The following CACHD1 variants were observed in gnomAD, a reference collection of about 807,000 sequenced individuals.
CACHD1 encodes the protein VWFA and cache domain-containing protein 1.
Under a neutral mutation model 138.7 loss-of-function variants are expected in CACHD1, and 71 were observed. That is an observed-to-expected ratio of 0.51 (90% CI 0.42 to 0.62). The LOEUF (loss-of-function observed/expected upper bound fraction) is 0.62. CACHD1 is among the 20% of genes least tolerant of loss of function. CACHD1 has a pLI of 0.00. For missense variants in CACHD1, 1,389 were observed against 1,625.3 expected (o/e 0.85, Z 2.50); for synonymous variants, 578 against 591.5 (o/e 0.98, Z 0.33).
rs1392493493 is a variant in CACHD1 at position 64,662,905 on chromosome 1, C to T, written c.1952-790C>T. 2.0e-5 allele frequency among the ~76,000 whole-genome samples: 3 copies of T among 152,294 alleles called. No homozygotes were observed. The East Asian group carries it at 5.8e-4, about 29-fold the overall frequency. On this transcript the variant is annotated intron_variant, in intron 13 of 26. Coordinates refer to ENST00000651257, the MANE Select transcript of CACHD1 (RefSeq NM_020925.4). ...TTTTGCATTGATTTCACTGTTCCATCTTTCTTTCTTAAATAGTACTACTAA... is the reference window on the plus strand; with the variant it reads ...TTTTGCATTGATTTCACTGTTCCATTTTTCTTTCTTAAATAGTACTACTAA...
intron 2 of CACHD1, among the ~76,000 whole-genome samples, chr1:64,551,428 C>T (rs893276804): frequency 3.3e-5 from 5 of 151,996 alleles, no homozygotes; most frequent in Admixed American, 1.3e-4. Flanking sequence ...TTAATTTCAG[C>T]GAATCCACCA....
chr1:64,537,709 A>G (rs902470145), intron 1 of CACHD1, among the ~76,000 whole-genome samples: 2 of 152,180 alleles, frequency 1.3e-5, no homozygotes, highest in Non-Finnish European at 2.9e-5. Context: ...CTATGAATAC[A>G]TGTTCTTTTT....
At chr1:64,533,750 T>TCTCTCTC (rs35235530) in intron 1 of CACHD1, among the ~76,000 whole-genome samples, 1 of 28,646 alleles carries the variant, frequency 3.5e-5, no homozygotes, top group African/African-American at 5.5e-5. Context: ...TTCTCTCTCT[T>TCTCTCTC]TTTTTTTTTT....
intron 1 of CACHD1, among the ~76,000 whole-genome samples, chr1:64,475,420 C>T (rs1646169371): frequency 6.6e-6 from 1 of 152,162 alleles, no homozygotes; most frequent in Non-Finnish European, 1.5e-5. Flanking sequence ...CCCACCTTGG[C>T]TTCCCAAAGT....
At chr1:64,637,055 A>G (rs555770486) in intron 7 of CACHD1, among the ~76,000 whole-genome samples, 1 of 152,168 alleles carries the variant, frequency 6.6e-6, no homozygotes, top group Middle Eastern at 3.2e-3. Flanking sequence ...GTCAGTTAAC[A>G]AGGCTGAATT....
In CACHD1 at chr1:64,623,401, C is replaced by CAAA. The variant is rs10645036; in HGVS notation, c.518-5944_518-5942dup. On this transcript the variant is annotated intron_variant, in intron 4 of 26. Coordinates refer to ENST00000651257, the MANE Select transcript of CACHD1 (RefSeq NM_020925.4). Reference sequence around the variant, plus strand: ...TGAGCAACAGAGTGAGATTCTGCCTCAAAAAAAAAAAATGGCATTAGAAGA... The same window carrying CAAA: ...TGAGCAACAGAGTGAGATTCTGCCTCAAAAAAAAAAAAAAATGGCATTAGAAGA... Among the ~76,000 whole-genome samples the CAAA allele has an allele frequency of 1.2e-3, 165 of 140,402 alleles. 1 individual carries two copies. Among genetic ancestry groups the CAAA allele is most frequent in the African/African-American group, 4.0e-3 (157 of 39,374 alleles). 92.1% of individuals were successfully genotyped at this position (140,402 alleles called of 152,430 possible).
chr1:64,600,204 G>A (rs1041831193), intron 3 of CACHD1, among the ~76,000 whole-genome samples: 3 of 152,098 alleles, frequency 2.0e-5, no homozygotes, highest in African/African-American at 7.2e-5. Context: ...CAGAAGATCC[G>A]GTGTCTTCGG....
At chr1:64,632,465 T>C (rs893080) in intron 5 of CACHD1, 134 bp from the exon 6 acceptor site, 733,308 of 805,552 alleles carry the variant, frequency 0.91, 335,471 homozygotes, top group East Asian at 1. Context: ...CCATGTGGAT[T>C]TCTCCATCCT....
At chr1:64,493,242 C>T (rs767132325) in intron 1 of CACHD1, among the ~76,000 whole-genome samples, 47 of 152,164 alleles carry the variant, frequency 3.1e-4, no homozygotes, top group Middle Eastern at 3.4e-3. Context: ...AAGGACATTC[C>T]ACTTATTACT....
chr1:64,617,161 C>CAAAA (rs5774713), intron 4 of CACHD1, among the ~76,000 whole-genome samples: 3 of 148,522 alleles, frequency 2.0e-5, no homozygotes, highest in Admixed American at 1.3e-4. Context: ...CAAAACAAAA[C>CAAAA]AAAAAAAAAA....
chr1:64,471,214 T>TACCA (rs1419906004), intron 1 of CACHD1, among the ~76,000 whole-genome samples: 1 of 152,146 alleles, frequency 6.6e-6, no homozygotes, highest in Non-Finnish European at 1.5e-5. Flanking sequence ...CTCTTCTGAG[T>TACCA]ACCAGCGCCT....
At position 64,634,073 on chromosome 1, in the gene CACHD1, C is replaced by A; in HGVS notation, c.819C>A (p.Val273=). ...CTGTGTTAACTGTGGCAGATACCGT[C>A]CGGACTTGCTCACTAGACCAGTGCT... ...KISVLTVADT[V]RTCSLDQCYK... The change falls in exon 7 of 27, where the codon GTC becomes GTA. Residue 273 remains valine (V), a synonymous_variant. Transcript: ENST00000651257. 1 of 1,611,502 alleles carries A rather than the reference C, an allele frequency of 6.2e-7. No individual in the cohort carries two copies. Among genetic ancestry groups the A allele is most frequent in the Non-Finnish European group, 8.5e-7 (1 of 1,179,352 alleles).
intron 8 of CACHD1, 26 bp from the exon 9 acceptor site, chr1:64,647,775 G>C (rs767221291): frequency 1.9e-6 from 3 of 1,602,624 alleles, no homozygotes; most frequent in South Asian, 2.2e-5. Flanking sequence ...TGCTTTCCGT[G>C]GTCTTCTCTC....
chr1:64,488,024 CTGTT>C (rs1194460460), intron 1 of CACHD1, among the ~76,000 whole-genome samples: 5 of 152,262 alleles, frequency 3.3e-5, no homozygotes, highest in African/African-American at 7.2e-5. Context: ...TGACCAATCT[CTGTT>C]TGTCCATCTC....
chr1:64,665,674 T>C (rs1022955045), intron 15 of CACHD1, among the ~76,000 whole-genome samples: 1 of 152,198 alleles, frequency 6.6e-6, no homozygotes, highest in African/African-American at 2.4e-5. Context: ...TTTAGACTTA[T>C]AAGCTCACTT....
chr1:64,602,893 A>G lies in CACHD1; in HGVS notation c.498A>G (p.Pro166=), dbSNP rs369437288. ...STTVNSRAFN[P]GRDLNSVLAD... ...CTGTTAATAGCCGGGCCTTCAATCC[A>G]GGACGAGACTTAAATTCAGGTCAGT... Residue 166 remains proline (P), a synonymous_variant, in exon 4 of 27, where the codon CCA becomes CCG. Transcript: ENST00000651257. The G allele has an allele frequency of 9.3e-6, 15 of 1,611,954 alleles. No homozygotes were observed. In the East Asian group the frequency reaches 1.1e-4, roughly 12 times the overall value.
chr1:64,504,150 T>C (rs76968213), intron 1 of CACHD1, among the ~76,000 whole-genome samples: 3 of 152,174 alleles, frequency 2.0e-5, no homozygotes, highest in African/African-American at 7.2e-5. Flanking sequence ...CACCTCAGGC[T>C]CCCAAGTAGC....
rs1570443735 is a variant in CACHD1, at chr1:64,641,853, G to A, written c.1040G>A (p.Gly347Asp). 6 of 1,551,552 alleles carry A rather than the reference G, an allele frequency of 3.9e-6. No individual in the cohort carries two copies. The highest frequency in any genetic ancestry group is 5.2e-6 in the Non-Finnish European group (6 of 1,150,304). Reference protein sequence around the residue: ...TDMVIIYLSAGITSKDSSEED... With the variant: ...TDMVIIYLSADITSKDSSEED... ...ATGGTCATCATTTACCTGTCAGCTGGCATTACATCAAAGGACTCTTCGGAA... is the reference window on the plus strand; with the variant it reads ...ATGGTCATCATTTACCTGTCAGCTGACATTACATCAAAGGACTCTTCGGAA... The change falls in exon 8 of 27, where the codon GGC (glycine) becomes GAC (aspartate). Residue 347 changes from glycine (G) to aspartate (D), a missense_variant. By Grantham distance (94) the Gly-to-Asp change is moderately conservative (BLOSUM62 -1). Around this residue, in one of 5 missense-constraint regions of CACHD1, gnomAD observed 1,000 missense variants for 1,114.7 expected, o/e 0.90. Coordinates refer to ENST00000651257, the MANE Select transcript of CACHD1 (RefSeq NM_020925.4).
intron 7 of CACHD1, among the ~76,000 whole-genome samples, chr1:64,639,172 A>G (rs972850169): frequency 6.6e-6 from 1 of 152,222 alleles, no homozygotes; most frequent in African/African-American, 2.4e-5. Context: ...CCAGGAATTT[A>G]TCACACATAT....
Sources: gnomAD v4.1 joint callset for allele counts (sites outside exome capture counted in the v4.1 genomes callset) on GRCh38, gnomAD v4.1.1 for gene constraint, gnomAD v4.1.1 regional missense constraint, MANE v1.5 for transcripts, NCBI Gene and HGNC (gene_info 2026-07-23, HGNC 2026-07-21) for gene names.